Variants in POFUT3 observed in about 807,000 individuals in gnomAD.
POFUT3 encodes the protein GDP-fucose protein O-fucosyltransferase 3.
chr8:33,421,568 A>G, the POFUT3 span, among the ~76,000 whole-genome samples: 6 of 151,438 alleles, frequency 4.0e-5, no homozygotes, highest in African/African-American at 1.5e-4. Flanking sequence ...TTCTAAACAA[A>G]TGTTTATTCG....
At chr8:33,436,880 T>A in the POFUT3 span, among the ~76,000 whole-genome samples, 1 of 152,182 alleles carries the variant, frequency 6.6e-6, no homozygotes, top group African/African-American at 2.4e-5. Context: ...CTGAGCACAG[T>A]ACCCAACAGC....
chr8:33,353,152 T>C, the POFUT3 span, among the ~76,000 whole-genome samples: 1 of 152,244 alleles, frequency 6.6e-6, no homozygotes. Context: ...TTCTGGTTAA[T>C]ACATGAATGG....
At chr8:33,419,325 A>G in the POFUT3 span, among the ~76,000 whole-genome samples, 2 of 152,120 alleles carry the variant, frequency 1.3e-5, no homozygotes, top group Non-Finnish European at 1.5e-5. Context: ...ATGGAAGACA[A>G]TTTTTCCACA....
chr8:33,335,154 T>C, the POFUT3 span, among the ~76,000 whole-genome samples: 3 of 120,644 alleles, frequency 2.5e-5, no homozygotes, highest in African/African-American at 1.2e-4. Flanking sequence ...GAAATATATG[T>C]GTGTGTGTGT....
chr8:33,434,905 G>A, the POFUT3 span, among the ~76,000 whole-genome samples: 3 of 152,202 alleles, frequency 2.0e-5, no homozygotes, highest in African/African-American at 4.8e-5. Context: ...CTGGGCACAG[G>A]TGCAGGTGCA....
chr8:33,428,624 A>G, the POFUT3 span, among the ~76,000 whole-genome samples: 2 of 151,588 alleles, frequency 1.3e-5, no homozygotes, highest in African/African-American at 4.9e-5. Flanking sequence ...TGTCTCCCAA[A>G]AAGCATGTGT....
chr8:33,432,658 A>T, the POFUT3 span, among the ~76,000 whole-genome samples: 2 of 152,170 alleles, frequency 1.3e-5, no homozygotes, highest in Admixed American at 6.5e-5. Context: ...TCCACATCAG[A>T]GTACCTGCTA....
the POFUT3 span, among the ~76,000 whole-genome samples, chr8:33,443,638 G>A: frequency 6.6e-6 from 1 of 152,064 alleles, no homozygotes; most frequent in Non-Finnish European, 1.5e-5. Flanking sequence ...GACTACAGAT[G>A]CCTGCCACCA....
the POFUT3 span, among the ~76,000 whole-genome samples, chr8:33,406,982 A>G: frequency 2.6e-5 from 4 of 152,218 alleles, no homozygotes; most frequent in Admixed American, 1.3e-4. Flanking sequence ...GTCAAGCATA[A>G]AAAGGCCTCA....
At chr8:33,325,901 C>T in the POFUT3 span, among the ~76,000 whole-genome samples, 1 of 152,174 alleles carries the variant, frequency 6.6e-6, no homozygotes, top group Non-Finnish European at 1.5e-5. Context: ...AAGGGTTCCA[C>T]TATCTGTACA....
At chr8:33,357,476 C>G in the POFUT3 span, among the ~76,000 whole-genome samples, 1 of 151,250 alleles carries the variant, frequency 6.6e-6, no homozygotes, top group African/African-American at 2.4e-5. Context: ...CCATTCTCTA[C>G]CACCATTATC....
At chr8:33,424,641 C>T in the POFUT3 span, among the ~76,000 whole-genome samples, 2 of 152,218 alleles carry the variant, frequency 1.3e-5, no homozygotes, top group Non-Finnish European at 2.9e-5. Context: ...CTCCCTTTCA[C>T]TCCATTTTTC....
the POFUT3 span, chr8:33,372,382 T>A: frequency 7.4e-7 from 1 of 1,355,026 alleles, no homozygotes; most frequent in South Asian, 2.0e-5. Context: ...CCTTTTTTAG[T>A]ATAAAAAATA....
chr8:33,312,482 C>T, the POFUT3 span, among the ~76,000 whole-genome samples: 1 of 151,910 alleles, frequency 6.6e-6, no homozygotes, highest in African/African-American at 2.4e-5. Context: ...TTCCACATCC[C>T]CCCTCTCCTA....
the POFUT3 span, chr8:33,389,425 T>G: frequency 6.2e-7 from 1 of 1,614,238 alleles, no homozygotes. Context: ...GAGGGAGGTC[T>G]TTGTTTCGTA....
the POFUT3 span, among the ~76,000 whole-genome samples, chr8:33,327,257 T>G: frequency 6.6e-6 from 1 of 152,158 alleles, no homozygotes. Flanking sequence ...GCTTTGGGCC[T>G]TGGCTAAATT....
chr8:33,380,588 G>A, the POFUT3 span, among the ~76,000 whole-genome samples: 1 of 151,972 alleles, frequency 6.6e-6, no homozygotes, highest in African/African-American at 2.4e-5. Flanking sequence ...TATAATCCCA[G>A]CACTTTGGGA....
At chr8:33,470,236 C>CAAAAAAAAAAAAA in the POFUT3 span, among the ~76,000 whole-genome samples, 18 of 89,068 alleles carry the variant, frequency 2.0e-4, 2 homozygotes, top group African/African-American at 5.0e-4. Context: ...CCCATCTCTA[C>CAAAAAAAAAAAAA]AAAAAAAAAA....
chr8:33,417,008 A>C, the POFUT3 span, among the ~76,000 whole-genome samples: 43,207 of 152,080 alleles, frequency 0.28, 6,312 homozygotes, highest in South Asian at 0.44. Context: ...AGGAACCCAG[A>C]CAGACAATAG....
Sources: gnomAD v4.1 joint callset for allele counts (sites outside exome capture counted in the v4.1 genomes callset) on GRCh38, gnomAD v4.1.1 for gene constraint, MANE v1.5 for transcripts, NCBI Gene and HGNC (gene_info 2026-07-23, HGNC 2026-07-21) for gene names.